Variants in APP observed in about 807,000 individuals in gnomAD.
The protein encoded by APP is amyloid beta precursor protein, also known as amyloid-beta precursor protein.
Under a neutral mutation model 101.4 loss-of-function variants are expected in APP, and 31 were observed. The ratio of observed to expected loss-of-function variants is 0.31; its 90% CI spans 0.23 to 0.41. The LOEUF is 0.41. Ranked by LOEUF, APP falls within the 10% of genes least tolerant of loss-of-function variation. The pLI is 1.00. For missense variants in APP, 839 were observed against 1,003.7 expected, an observed-to-expected ratio of 0.84 and a Z score of 2.22; for synonymous variants, 366 against 364.4, an observed-to-expected ratio of 1.00 and a Z score of -0.05.
chr21:25,999,918 C>G, intron 7 of APP, 97 bp downstream of exon 7: 1 of 1,391,328 alleles, frequency 7.2e-7, no homozygotes, highest in East Asian at 2.5e-5. Flanking sequence ...AGCAACAGGC[C>G]CATTCCCAAG....
chr21:26,075,174 T>C (rs2061479139), intron 3 of APP, among the ~76,000 whole-genome samples: 1 of 152,236 alleles, frequency 6.6e-6, no homozygotes, highest in Non-Finnish European at 1.5e-5. Flanking sequence ...AATTCATTCA[T>C]TAAATCTATA....
At chr21:26,083,829 T>C (rs900169202) in intron 3 of APP, among the ~76,000 whole-genome samples, 2 of 152,192 alleles carry the variant, frequency 1.3e-5, no homozygotes, top group Non-Finnish European at 2.9e-5. Flanking sequence ...AGTTATCGTT[T>C]CTTTTTAATG....
intron 6 of APP, among the ~76,000 whole-genome samples, chr21:26,016,188 G>A (rs2044052133): frequency 6.6e-6 from 1 of 152,066 alleles, no homozygotes; most frequent in Admixed American, 6.5e-5. Context: ...GCGCCACCAT[G>A]CCTAGCTAAT....
intron 17 of APP, among the ~76,000 whole-genome samples, chr21:25,884,947 G>A (rs1388081380): frequency 2.0e-5 from 3 of 152,160 alleles, no homozygotes; most frequent in Admixed American, 1.3e-4. Context: ...CTAGAGATGC[G>A]AGGCTCCAAG....
chr21:25,954,761 T>C (rs28626763), intron 12 of APP, 72 bp from the exon 13 acceptor site: 1 of 1,366,792 alleles, frequency 7.3e-7, no homozygotes, highest in Non-Finnish European at 1.0e-6. Context: ...TTTCTTTTTT[T>C]CTTTTTTTTT....
chr21:26,109,127 C>T (rs192096269), intron 2 of APP, among the ~76,000 whole-genome samples: 1 of 152,134 alleles, frequency 6.6e-6, no homozygotes, highest in Non-Finnish European at 1.5e-5. Context: ...AGGAAGGTGA[C>T]AGCAAAGGGC....
At chr21:26,068,523 C>T (rs536647227) in intron 3 of APP, among the ~76,000 whole-genome samples, 53 of 152,220 alleles carry the variant, frequency 3.5e-4, no homozygotes, top group African/African-American at 1.2e-3. Flanking sequence ...ACATGCCTGG[C>T]TAATTTTTTT....
At chr21:25,890,106 A>T (rs1264643907) in intron 17 of APP, among the ~76,000 whole-genome samples, 1 of 152,174 alleles carries the variant, frequency 6.6e-6, no homozygotes, top group African/African-American at 2.4e-5. Flanking sequence ...CAAACATGAC[A>T]GTGGGGTCAT....
chr21:25,970,748 A>G (rs964396755), intron 11 of APP, among the ~76,000 whole-genome samples: 1 of 152,214 alleles, frequency 6.6e-6, no homozygotes, highest in South Asian at 2.1e-4. Flanking sequence ...GTCACCCTGA[A>G]CCAGCCGCTC....
intron 13 of APP, among the ~76,000 whole-genome samples, chr21:25,950,422 C>T (rs975786095): frequency 6.7e-6 from 1 of 149,902 alleles, no homozygotes; most frequent in African/African-American, 2.5e-5. Flanking sequence ...CTCTTGACGC[C>T]CAGGCTGGAG....
chr21:26,145,890 C>G (rs2063144562), intron 1 of APP, among the ~76,000 whole-genome samples: 1 of 151,260 alleles, frequency 6.6e-6, no homozygotes, highest in African/African-American at 2.4e-5. Flanking sequence ...TTTAATGTAT[C>G]AGCATAATAT....
At chr21:26,133,430 C>T (rs1369821590) in intron 1 of APP, among the ~76,000 whole-genome samples, 1 of 152,182 alleles carries the variant, frequency 6.6e-6, no homozygotes, top group Non-Finnish European at 1.5e-5. Context: ...GAAGACAAAT[C>T]ATTAGACTAT....
intron 2 of APP, among the ~76,000 whole-genome samples, chr21:26,097,564 TA>T (rs1204337086): frequency 0.012 from 2 of 172 alleles, no homozygotes; most frequent in African/African-American, 0.019. Context: ...TCCAAGTAGA[TA>T]TGGACAGCTT....
chr21:26,051,239 T>C (rs760068385), intron 4 of APP, 46 bp from the exon 5 acceptor site: 2 of 1,554,478 alleles, frequency 1.3e-6, no homozygotes, highest in Non-Finnish European at 1.8e-6. Context: ...GTAGATGTGT[T>C]TCATTGTAAG....
At chr21:25,972,990 T>C (rs1394944935) in intron 11 of APP, among the ~76,000 whole-genome samples, 2 of 152,002 alleles carry the variant, frequency 1.3e-5, no homozygotes, top group Non-Finnish European at 2.9e-5. Context: ...TGACATAACA[T>C]CATCGTGACA....
At chr21:26,108,886 A>G (rs1481450253) in intron 2 of APP, among the ~76,000 whole-genome samples, 1 of 151,806 alleles carries the variant, frequency 6.6e-6, no homozygotes, top group Admixed American at 6.5e-5. Context: ...CTCTGTCTCA[A>G]AAACAAAAGA....
intron 11 of APP, among the ~76,000 whole-genome samples, chr21:25,957,893 A>G (rs1218974172): frequency 6.6e-6 from 1 of 152,086 alleles, no homozygotes; most frequent in Non-Finnish European, 1.5e-5. Context: ...CTTGGTCAGG[A>G]GGATTATTTG....
At chr21:25,983,933 A>C (rs1237784757) in intron 8 of APP, among the ~76,000 whole-genome samples, 1 of 152,230 alleles carries the variant, frequency 6.6e-6, no homozygotes, top group Non-Finnish European at 1.5e-5. Context: ...TTTCTTTTTC[A>C]GATCAGCTGT....
intron 3 of APP, among the ~76,000 whole-genome samples, chr21:26,070,524 T>C (rs960153504): frequency 6.6e-6 from 1 of 152,194 alleles, no homozygotes; most frequent in Non-Finnish European, 1.5e-5. Context: ...AAGGTATCTG[T>C]CTACACCTGC....
Sources: allele counts gnomAD v4.1 joint callset (sites outside exome capture counted in the v4.1 genomes callset), GRCh38; gene constraint gnomAD v4.1.1; transcripts MANE v1.5; gene names NCBI Gene and HGNC (gene_info 2026-07-23, HGNC 2026-07-21).